MAF: variants seen among roughly 807,000 people sequenced by gnomAD.
MAF encodes MAF bZIP transcription factor, also known as transcription factor Maf.
Under a neutral mutation model 22.0 loss-of-function variants are expected in MAF, and 10 were observed. That is an observed-to-expected ratio of 0.45 (90% CI 0.28 to 0.77). The LOEUF (loss-of-function observed/expected upper bound fraction) is 0.77, where lower values mean the gene tolerates loss of function less well. Among genes scored for constraint, MAF ranks in the 30% least tolerant of loss-of-function variants. The pLI is 0.12. For missense variants in MAF, 544 were observed against 548.4 expected (o/e 0.99, Z 0.08); for synonymous variants, 337 against 255.8 (o/e 1.32, Z -3.03).
the MAF span, among the ~76,000 whole-genome samples, chr16:79,295,092 G>C: frequency 2.0e-5 from 3 of 151,280 alleles, no homozygotes; most frequent in East Asian, 2.0e-4. Context: ...TTTTGGGGGT[G>C]GGGGAGGGGG....
At chr16:79,551,833 G>C in the MAF span, among the ~76,000 whole-genome samples, 1 of 152,136 alleles carries the variant, frequency 6.6e-6, no homozygotes, top group Admixed American at 6.5e-5. Flanking sequence ...TGAGTAGCTT[G>C]AGTAGCTGCA....
chr16:79,554,704 C>A, the MAF span, among the ~76,000 whole-genome samples: 1 of 152,102 alleles, frequency 6.6e-6, no homozygotes, highest in Non-Finnish European at 1.5e-5. Context: ...CCAGAATTCT[C>A]AAGATGAGCC....
chr16:79,264,191 G>GA, the MAF span, among the ~76,000 whole-genome samples: 1 of 152,132 alleles, frequency 6.6e-6, no homozygotes, highest in East Asian at 1.9e-4. Context: ...GCTGGGACTT[G>GA]AAAACAGATC....
At chr16:79,317,244 C>T in the MAF span, among the ~76,000 whole-genome samples, 1 of 147,362 alleles carries the variant, frequency 6.8e-6, no homozygotes, top group Admixed American at 6.8e-5. Context: ...TCCTTTCTCT[C>T]CTTCCTTCCT....
At chr16:79,276,149 AAAAG>A in the MAF span, among the ~76,000 whole-genome samples, 132,612 of 150,096 alleles carry the variant, frequency 0.88, 59,095 homozygotes, top group East Asian at 1. Context: ...CAAAGAAAAA[AAAAG>A]AAAGAAAGAA....
chr16:79,305,554 C>G, the MAF span, among the ~76,000 whole-genome samples: 1 of 152,098 alleles, frequency 6.6e-6, no homozygotes, highest in Non-Finnish European at 1.5e-5. Flanking sequence ...GCTGTGAGAC[C>G]TCCACTGGTC....
chr16:79,559,430 G>A, the MAF span, among the ~76,000 whole-genome samples: 2 of 152,174 alleles, frequency 1.3e-5, no homozygotes, highest in Non-Finnish European at 2.9e-5. Flanking sequence ...CAGAGGGGAA[G>A]TCTTCGAGTG....
the MAF span, among the ~76,000 whole-genome samples, chr16:79,389,023 T>C: frequency 2.0e-5 from 3 of 152,188 alleles, no homozygotes; most frequent in Non-Finnish European, 4.4e-5. Context: ...TATGAAACTA[T>C]TTCAGAAACA....
the MAF span, among the ~76,000 whole-genome samples, chr16:79,267,222 A>T: frequency 6.6e-6 from 1 of 152,178 alleles, no homozygotes; most frequent in African/African-American, 2.4e-5. Flanking sequence ...ACACTGATGA[A>T]GCAGCTGCCA....
the MAF span, among the ~76,000 whole-genome samples, chr16:79,538,879 GAAAGA>G: frequency 2.3e-5 from 1 of 44,376 alleles, no homozygotes; most frequent in Non-Finnish European, 8.5e-5. Context: ...AGAAAAGAAA[GAAAGA>G]AAGAAAGAAA....
At chr16:79,530,460 A>G in the MAF span, among the ~76,000 whole-genome samples, 4 of 152,336 alleles carry the variant, frequency 2.6e-5, no homozygotes, top group African/African-American at 9.6e-5. Context: ...AGGGGAAAAA[A>G]ATTTTATTTT....
chr16:79,503,805 C>T, the MAF span, among the ~76,000 whole-genome samples: 9 of 152,278 alleles, frequency 5.9e-5, no homozygotes, highest in South Asian at 6.2e-4. Context: ...ATGGTTACTC[C>T]GTAGTCTTGA....
At chr16:79,521,430 C>T in the MAF span, among the ~76,000 whole-genome samples, 1 of 152,186 alleles carries the variant, frequency 6.6e-6, no homozygotes, top group Non-Finnish European at 1.5e-5. Context: ...GGGAAAAGTT[C>T]GCACTCAGCA....
chr16:79,282,801 G>A, the MAF span, among the ~76,000 whole-genome samples: 7 of 152,066 alleles, frequency 4.6e-5, no homozygotes, highest in South Asian at 2.1e-4. Context: ...GTATTTTATC[G>A]CCTGAGGAGA....
chr16:79,559,477 C>T, the MAF span, among the ~76,000 whole-genome samples: 2 of 152,150 alleles, frequency 1.3e-5, no homozygotes, highest in African/African-American at 2.4e-5. Flanking sequence ...CCCCAAGAGG[C>T]GCACATCCCT....
At chr16:79,322,663 A>T in the MAF span, among the ~76,000 whole-genome samples, 2 of 152,108 alleles carry the variant, frequency 1.3e-5, no homozygotes, top group African/African-American at 4.8e-5. Context: ...GCTAAGGTCG[A>T]CACACGGGTA....
the MAF span, among the ~76,000 whole-genome samples, chr16:79,233,131 C>T: frequency 2.9e-3 from 446 of 152,060 alleles, 9 homozygotes; most frequent in Admixed American, 0.023. Context: ...TGAACCACCG[C>T]GCCCGGCCTT....
At chr16:79,464,076 G>A in the MAF span, among the ~76,000 whole-genome samples, 1 of 152,194 alleles carries the variant, frequency 6.6e-6, no homozygotes, top group Admixed American at 6.5e-5. Flanking sequence ...ACAGATGACA[G>A]TAAGAAAGCA....
chr16:79,519,376 T>C, the MAF span, among the ~76,000 whole-genome samples: 1 of 152,208 alleles, frequency 6.6e-6, no homozygotes, highest in East Asian at 1.9e-4. Flanking sequence ...GCTCTGCCCA[T>C]GATGGAGAGA....
Sources: allele counts gnomAD v4.1 joint callset (sites outside exome capture counted in the v4.1 genomes callset), GRCh38; gene constraint gnomAD v4.1.1; transcripts MANE v1.5; gene names NCBI Gene and HGNC (gene_info 2026-07-23, HGNC 2026-07-21).